The following HAS2 variants were observed in gnomAD, a reference collection of about 807,000 sequenced individuals.
HAS2 encodes the protein hyaluronan synthase 2.
HAS2 carries 16 observed loss-of-function variants against 51.6 expected under a neutral mutation model. The ratio of observed to expected loss-of-function variants is 0.31; its 90% CI spans 0.21 to 0.47. HAS2 has a LOEUF of 0.47. Ranked by LOEUF, HAS2 falls within the 20% of genes least tolerant of loss-of-function variation. The probability of loss-of-function intolerance (pLI) is 1.00; values close to 1 mark genes in which losing one functional copy is unlikely to be tolerated. For missense variants in HAS2, 361 were observed against 662.6 expected, an observed-to-expected ratio of 0.54 and a Z score of 5.00; for synonymous variants, 228 against 235.5, an observed-to-expected ratio of 0.97 and a Z score of 0.29.
At chr8:121,629,610 A>G (rs1812901983) in intron 1 of HAS2, among the ~76,000 whole-genome samples, 2 of 152,204 alleles carry the variant, frequency 1.3e-5, no homozygotes, top group Non-Finnish European at 2.9e-5. Context: ...AATGTTTTAA[A>G]CAAATACTGC....
At chr8:121,638,845 T>C (rs1220005000) in intron 1 of HAS2, among the ~76,000 whole-genome samples, 4 of 152,174 alleles carry the variant, frequency 2.6e-5, no homozygotes, top group Non-Finnish European at 5.9e-5. Context: ...GAAATAAAAA[T>C]TTGGAATTTA....
rs6996063 is a variant in HAS2, at chr8:121,612,373, T to C, written c.*1736A>G. The C allele has an allele frequency of 0.098, 14,946 of 152,192 alleles. 935 individuals carry two copies. Among genetic ancestry groups the C allele is most frequent in the Middle Eastern group, 0.21 (61 of 294 alleles). 9.4% of individuals were successfully genotyped at this position (152,192 alleles called of 1,614,324 possible). ...CTCTCCAATCAGTGAGAGTCTTGAGTCTCAGATGTACCTTTTTGTACTCTG... is the reference window on the plus strand; with the variant it reads ...CTCTCCAATCAGTGAGAGTCTTGAGCCTCAGATGTACCTTTTTGTACTCTG... On this transcript the variant is annotated 3_prime_UTR_variant, in exon 4 of 4. Coordinates refer to ENST00000303924, the MANE Select transcript of HAS2 (RefSeq NM_005328.3).
rs769708426 is a variant in HAS2 at position 121,614,808 on chromosome 8, C to A, written c.960G>T (p.Arg320=). 2 of 1,614,198 alleles carry A rather than the reference C, an allele frequency of 1.2e-6. No individual in the cohort carries two copies. The highest frequency in any genetic ancestry group is 2.2e-5 in the South Asian group (2 of 91,078). ...SFGDDRHLTN[R]VLSLGYATKY... Reference sequence around the variant, plus strand: ...TTGTTGCATAGCCCAGGCTCAGCACCCGGTTCGTGAGATGCCTGTCATCAC... The same window carrying A: ...TTGTTGCATAGCCCAGGCTCAGCACACGGTTCGTGAGATGCCTGTCATCAC... The change falls in exon 4 of 4, where the codon CGG becomes CGT. Residue 320 remains arginine, a synonymous_variant. Transcript: ENST00000303924. This position sits in a 1 kb window ranked among gnomAD's most constrained non-coding sequence, Gnocchi z 7.2.
At chr8:121,638,012 G>T (rs1390033475) in intron 1 of HAS2, among the ~76,000 whole-genome samples, 1 of 151,036 alleles carries the variant, frequency 6.6e-6, no homozygotes, top group Non-Finnish European at 1.5e-5. Flanking sequence ...GAAAGTAAAT[G>T]TGTAATATAG....
In HAS2 at chr8:121,615,948, CT is replaced by C. The variant is rs544960594; in HGVS notation, c.730-911del. 3.7e-3 allele frequency among the ~76,000 whole-genome samples: 566 copies of C among 152,212 alleles called. 7 individuals are homozygous for C. The highest frequency in any genetic ancestry group is 0.013 in the African/African-American group (525 of 41,530). ...TCCTCTGTCTCAATTTTGCCAGCTC[CT>C]TTTTTTAAAAATCACCAGGCTATTT... On this transcript the variant is annotated intron_variant, in intron 3 of 3. Transcript: ENST00000303924.
chr8:121,617,631 C>T (rs1023660634), intron 2 of HAS2, among the ~76,000 whole-genome samples: 1 of 151,958 alleles, frequency 6.6e-6, no homozygotes, highest in Non-Finnish European at 1.5e-5. Flanking sequence ...GGCTTTTAGG[C>T]CTTTTTGTCT....
chr8:121,632,210 T>C (rs1033111230), intron 1 of HAS2, among the ~76,000 whole-genome samples: 13 of 152,218 alleles, frequency 8.5e-5, no homozygotes, highest in African/African-American at 2.9e-4. Flanking sequence ...AGGGAATACA[T>C]TGATCTCAGG....
rs1813095426 is a variant in HAS2, at chr8:121,641,162, T to TTTTTTTTTTTTTTTTTTTTTTTTTTC, written c.-311_-310insGAAAAAAAAAAAAAAAAAAAAAAAAA. 1.7e-5 allele frequency: 1 copy of TTTTTTTTTTTTTTTTTTTTTTTTTTC among 57,276 alleles called. No individual in the cohort carries two copies. Among genetic ancestry groups the TTTTTTTTTTTTTTTTTTTTTTTTTTC allele is most frequent in the Non-Finnish European group, 2.9e-5 (1 of 34,622 alleles). The allele number at this position is 57,276 out of a possible 1,614,324, so 3.5% of individuals were successfully genotyped here. On this transcript the variant is annotated 5_prime_UTR_variant, in exon 1 of 4. Coordinates refer to ENST00000303924, the MANE Select transcript of HAS2 (RefSeq NM_005328.3). ...TTTTCTTTTTTCTTTTCTTTTCTTT[T>TTTTTTTTTTTTTTTTTTTTTTTTTTC]TTTTTTTTTTTTTTTTTTGGGCTTC...
chr8:121,615,186 A>T (rs1812683395), intron 3 of HAS2, 148 bp from the exon 4 acceptor site: 1 of 599,980 alleles, frequency 1.7e-6, no homozygotes, highest in South Asian at 2.2e-5. Flanking sequence ...TGGTTATTTT[A>T]TGTTTTCTCT....
At chr8:121,638,238 G>A (rs1813040222) in intron 1 of HAS2, among the ~76,000 whole-genome samples, 2 of 152,172 alleles carry the variant, frequency 1.3e-5, no homozygotes, top group African/African-American at 4.8e-5. Flanking sequence ...ACAAAAATGA[G>A]TGGTTCCAAC....
intron 1 of HAS2, among the ~76,000 whole-genome samples, chr8:121,638,540 G>A (rs542675136): frequency 6.6e-6 from 1 of 152,250 alleles, no homozygotes; most frequent in Admixed American, 6.5e-5. Flanking sequence ...CAAATAGGGG[G>A]GATGATACTT....
intron 2 of HAS2, 30 bp from the exon 3 acceptor site, chr8:121,617,236 A>G (rs774012149): frequency 1.8e-5 from 23 of 1,289,560 alleles, no homozygotes; most frequent in Non-Finnish European, 2.6e-5. Context: ...AAATGAGTTA[A>G]AGAAAAGGAA....
Position 121,629,214 on chromosome 8 carries a change from A to T in HAS2, c.127T>A (p.Tyr43Asn). 6.2e-7 allele frequency: 1 copy of T among 1,614,142 alleles called. No individual in the cohort carries two copies. Among genetic ancestry groups the T allele is most frequent in the Non-Finnish European group, 8.5e-7 (1 of 1,179,952 alleles). ...GCACCATACAGTCCAAAAGAGAAAT[A>T]GTAATTATCCGTTTGGATAAACTGG... is the stretch of plus-strand genomic sequence containing the variant. ...GYQFIQTDNYYFSFGLYGAFL... is the reference protein window; with the variant it reads ...GYQFIQTDNYNFSFGLYGAFL... The change falls in exon 2 of 4, where the codon TAT (tyrosine) becomes AAT (asparagine). Residue 43 changes from tyrosine to asparagine, a missense_variant. Transcript: ENST00000303924.
intron 2 of HAS2, among the ~76,000 whole-genome samples, chr8:121,622,162 A>G (rs11780389): frequency 0.21 from 31,764 of 151,598 alleles, 4,323 homozygotes; most frequent in East Asian, 0.72. Context: ...ATTCTGCATC[A>G]CCCCCCCATC....
chr8:121,639,726 C>A (rs1031812087), intron 1 of HAS2: 1 of 152,358 alleles, frequency 6.6e-6, no homozygotes, highest in Non-Finnish European at 1.5e-5. Flanking sequence ...CTCATACAGA[C>A]CCTCCTTTCA....
intron 2 of HAS2, among the ~76,000 whole-genome samples, chr8:121,627,963 T>C (rs1443814905): frequency 6.6e-6 from 1 of 152,118 alleles, no homozygotes; most frequent in Non-Finnish European, 1.5e-5. Context: ...ACTAATGTTC[T>C]AAAGAAGGAA....
At chr8:121,618,316 G>T (rs1812733133) in intron 2 of HAS2, among the ~76,000 whole-genome samples, 1 of 152,100 alleles carries the variant, frequency 6.6e-6, no homozygotes, top group Admixed American at 6.5e-5. Flanking sequence ...TCCCAGAGAG[G>T]GTCTCAGTGG....
chr8:121,638,765 C>A (rs1394541233), intron 1 of HAS2, among the ~76,000 whole-genome samples: 1 of 151,994 alleles, frequency 6.6e-6, no homozygotes, highest in Admixed American at 6.6e-5. Flanking sequence ...TGTACTGTAA[C>A]CTTATTAAGC....
chr8:121,620,855 G>GA (rs1431242468), intron 2 of HAS2, among the ~76,000 whole-genome samples: 1 of 151,320 alleles, frequency 6.6e-6, no homozygotes, highest in Non-Finnish European at 1.5e-5. Context: ...TTCAATAGTT[G>GA]AAAAAAAATC....
Sources: gnomAD v4.1 joint callset for allele counts (sites outside exome capture counted in the v4.1 genomes callset) on GRCh38, gnomAD v4.1.1 for gene constraint, Gnocchi (gnomAD v3.1) non-coding constraint, MANE v1.5 for transcripts, NCBI Gene and HGNC (gene_info 2026-07-23, HGNC 2026-07-21) for gene names.